ARAP3: variants seen among roughly 807,000 people sequenced by gnomAD.
ARAP3 encodes the protein arf-GAP with Rho-GAP domain, ANK repeat and PH domain-containing protein 3.
In ARAP3, 82 loss-of-function variants were observed where a neutral mutation model predicts 169.2. That is an observed-to-expected ratio of 0.48 (90% CI 0.41 to 0.58). The LOEUF (loss-of-function observed/expected upper bound fraction) is 0.58. Among genes scored for constraint, ARAP3 ranks in the 20% least tolerant of loss-of-function variants. ARAP3 has a pLI of 0.00. For missense variants in ARAP3, 1,764 were observed against 2,018.0 expected (o/e 0.87, Z 2.41); for synonymous variants, 791 against 800.3 (o/e 0.99, Z 0.20).
rs2099911642 is a variant in ARAP3, at chr5:141,672,939, A to G, written c.1094-14T>C. On this transcript the variant is annotated splice_polypyrimidine_tract_variant and intron_variant, in intron 7 of 32. Coordinates refer to ENST00000239440, the MANE Select transcript of ARAP3 (RefSeq NM_022481.6). This position sits in a 1 kb window ranked among gnomAD's most constrained non-coding sequence, Gnocchi z 4.9. ...TGTCCCGCTGAGCTGGTGGGGATGGAGAAGCAGGTCAGTGGCTGTTGCTCA... is the reference window on the plus strand; with the variant it reads ...TGTCCCGCTGAGCTGGTGGGGATGGGGAAGCAGGTCAGTGGCTGTTGCTCA... The G allele has an allele frequency of 6.2e-7, 1 of 1,611,946 alleles. No individual in the cohort carries two copies. The highest frequency in any genetic ancestry group is 8.5e-7 in the Non-Finnish European group (1 of 1,178,772).
At chr5:141,670,465 A>G (rs965141379) in intron 14 of ARAP3, 47 bp downstream of exon 14, 1 of 1,567,232 alleles carries the variant, frequency 6.4e-7, no homozygotes, top group Non-Finnish European at 8.8e-7. Context: ...CCTCACACCC[A>G]TCCACTTTCT....
intron 4 of ARAP3, among the ~76,000 whole-genome samples, chr5:141,674,377 G>A (rs2099911869): frequency 6.6e-6 from 1 of 152,140 alleles, no homozygotes; most frequent in Admixed American, 6.5e-5. Context: ...CCCACCCTGA[G>A]TAGCTGGGAC....
intron 4 of ARAP3, among the ~76,000 whole-genome samples, chr5:141,675,473 C>A (rs2099912042): frequency 6.6e-6 from 1 of 152,078 alleles, no homozygotes; most frequent in South Asian, 2.1e-4. Context: ...GTAATCCCAG[C>A]ACTTTGGGAG....
At chr5:141,658,275 T>C (rs2154598726) in intron 25 of ARAP3, 90 bp downstream of exon 25, 1 of 1,276,204 alleles carries the variant, frequency 7.8e-7, no homozygotes, top group South Asian at 1.3e-5. Flanking sequence ...CCATTCATAT[T>C]TGGTAACATG....
chr5:141,673,475 G>C lies in ARAP3; in HGVS notation c.903-5C>G. On this transcript the variant is annotated splice_polypyrimidine_tract_variant and splice_region_variant and intron_variant, in intron 5 of 32. Coordinates refer to ENST00000239440, the MANE Select transcript of ARAP3 (RefSeq NM_022481.6). ...CGTCTCTGGAAGACATAGTTTCTGA[G>C]GAAGGAAGGAGCCAAGATCAGTGTT... The C allele has an allele frequency of 6.2e-7, 1 of 1,614,164 alleles. No individual in the cohort carries two copies.
intron 4 of ARAP3, among the ~76,000 whole-genome samples, chr5:141,678,690 G>A (rs976160388): frequency 2.0e-5 from 3 of 151,724 alleles, no homozygotes; most frequent in African/African-American, 7.3e-5. Flanking sequence ...GTTTCATCCT[G>A]TTGGCCAGGC....
chr5:141,659,338 C>A (rs2099909644), intron 23 of ARAP3, 70 bp downstream of exon 23: 1 of 1,463,516 alleles, frequency 6.8e-7, no homozygotes, highest in Non-Finnish European at 9.6e-7. Context: ...CTCAACTGGG[C>A]AGAAAGTCAG....
chr5:141,673,160 T>C (rs1428033866), intron 6 of ARAP3, 27 bp from the exon 7 acceptor site: 9 of 1,613,850 alleles, frequency 5.6e-6, no homozygotes, highest in Non-Finnish European at 7.6e-6. Flanking sequence ...CAATGACCCA[T>C]GAGGACAGGA....
chr5:141,675,203 T>A (rs954034189), intron 4 of ARAP3, among the ~76,000 whole-genome samples: 25 of 152,210 alleles, frequency 1.6e-4, no homozygotes, highest in African/African-American at 6.0e-4. Context: ...TCTTTGCTTA[T>A]GTCATCTTCT....
Position 141,671,862 on chromosome 5 carries a change from C to T in ARAP3, c.1671+33G>A, listed in dbSNP as rs67707156. On this transcript the variant is annotated intron_variant, in intron 11 of 32. Coordinates refer to ENST00000239440, the MANE Select transcript of ARAP3 (RefSeq NM_022481.6). This position sits in a 1 kb window ranked among gnomAD's most constrained non-coding sequence, Gnocchi z 4.9. Reference sequence around the variant, plus strand: ...GCCTGCTTCTGGACGCTCCCTTCTACGCCTCCCACCTTCTCCCTCTTCGCC... The same window carrying T: ...GCCTGCTTCTGGACGCTCCCTTCTATGCCTCCCACCTTCTCCCTCTTCGCC... 60,383 of 1,613,898 alleles carry T rather than the reference C, an allele frequency of 0.037. 3,632 individuals carry two copies. Among genetic ancestry groups the T allele is most frequent in the African/African-American group, 0.28 (20,945 of 74,972 alleles).
At position 141,669,718 on chromosome 5, in the gene ARAP3, A is replaced by G. The variant is rs2099911180; in HGVS notation, c.2343T>C (p.Ala781=). Residue 781 remains alanine, a synonymous_variant, in exon 16 of 33, where the codon GCT becomes GCC. Coordinates refer to ENST00000239440, the MANE Select transcript of ARAP3 (RefSeq NM_022481.6). ...GADSLEAWTS[A]VGKWFSPLSC... is the part of the protein sequence containing the mutation. ...CGCTCTCCTGTCTCACCTTGCCCAC[A>G]GCACTAGTCCAGGCCTCCAGACTGT... The G allele has an allele frequency of 6.2e-7, 1 of 1,613,970 alleles. No individual in the cohort carries two copies. Among genetic ancestry groups the G allele is most frequent in the African/African-American group, 1.3e-5 (1 of 74,930 alleles).
intron 31 of ARAP3, 70 bp downstream of exon 31, chr5:141,655,551 C>G: frequency 6.2e-7 from 1 of 1,608,414 alleles, no homozygotes; most frequent in Non-Finnish European, 8.5e-7. Flanking sequence ...AGCAGGCACA[C>G]CACTGCCTAC....
chr5:141,673,329 C>T (rs2099911700), intron 6 of ARAP3, 72 bp downstream of exon 6: 1 of 1,598,202 alleles, frequency 6.3e-7, no homozygotes, highest in Non-Finnish European at 8.6e-7. Context: ...GACTTCCCTC[C>T]TTCCAATTCT....
chr5:141,662,858 G>C (rs2099910147), intron 19 of ARAP3, among the ~76,000 whole-genome samples: 1 of 152,202 alleles, frequency 6.6e-6, no homozygotes, highest in Non-Finnish European at 1.5e-5. Flanking sequence ...ACATGTGTTA[G>C]ATTAGCTTGA....
intron 16 of ARAP3, among the ~76,000 whole-genome samples, chr5:141,667,619 G>C (rs2099910843): frequency 6.6e-6 from 1 of 150,598 alleles, no homozygotes; most frequent in African/African-American, 2.4e-5. Context: ...AGTAGAGACG[G>C]GGTTTCACCA....
At chr5:141,673,538 G>A (rs907792544) in intron 5 of ARAP3, 67 bp downstream of exon 5, 10 of 1,612,888 alleles carry the variant, frequency 6.2e-6, no homozygotes, top group Admixed American at 1.7e-5. Context: ...TAGGGTCTGG[G>A]GGCACTTTCC....
At chr5:141,669,010 C>T (rs1298212903) in intron 16 of ARAP3, among the ~76,000 whole-genome samples, 2 of 152,160 alleles carry the variant, frequency 1.3e-5, no homozygotes, top group African/African-American at 4.8e-5. Context: ...GAGAGACTGT[C>T]GTCATCATCG....
In ARAP3 at chr5:141,680,241, G is replaced by A. The variant is rs781622436; in HGVS notation, c.246C>T (p.Ser82=). The A allele has an allele frequency of 1.9e-6, 3 of 1,614,066 alleles. No homozygotes were observed. The Admixed American group carries it at 5.0e-5, about 27-fold the overall frequency. ...GCTGGGCTTGCGGGGCTGGGCTGGG[G>A]GATGGTTCCATGGCACTATCTGATT... ...DPKSDSAMEP[S]PSPAPQAQPP... is the part of the protein sequence containing the mutation. The change falls in exon 2 of 33, where the codon TCC becomes TCT. Residue 82 remains serine, a synonymous_variant. Transcript: ENST00000239440.
In ARAP3 at chr5:141,659,496, G is replaced by A. The variant is rs750976347; in HGVS notation, c.3268-20C>T. 6.2e-7 allele frequency: 1 copy of A among 1,613,356 alleles called. No individual in the cohort carries two copies. Among genetic ancestry groups the A allele is most frequent in the Admixed American group, 1.7e-5 (1 of 60,030 alleles). On this transcript the variant is annotated intron_variant, in intron 22 of 32. Coordinates refer to ENST00000239440, the MANE Select transcript of ARAP3 (RefSeq NM_022481.6). ...ATCGATCTGTGAAAGAGCCAAAAGA[G>A]AGTGTTGGGGTGCTGGAAGAGGATC...
Sources: gnomAD v4.1 joint callset for allele counts (sites outside exome capture counted in the v4.1 genomes callset) on GRCh38, gnomAD v4.1.1 for gene constraint, Gnocchi (gnomAD v3.1) non-coding constraint, MANE v1.5 for transcripts, NCBI Gene and HGNC (gene_info 2026-07-23, HGNC 2026-07-21) for gene names.